Variants in NOL4 observed in about 807,000 individuals in gnomAD.
NOL4 encodes the protein nucleolar protein 4, also known as cancer/testis antigen 125.
NOL4 carries 17 observed loss-of-function variants against 75.9 expected under a neutral mutation model. The observed-to-expected ratio is 0.22, with a 90% CI of 0.15 to 0.34. The LOEUF is 0.34. NOL4 is among the 10% of genes least tolerant of loss of function. NOL4 has a pLI of 1.00. For synonymous variants in NOL4, 292 were observed against 289.9 expected, an observed-to-expected ratio of 1.01 and a Z score of -0.07; for missense variants, 614 against 793.5, an observed-to-expected ratio of 0.77 and a Z score of 2.72.
At chr18:33,954,860 G>A (rs1021025500) in intron 8 of NOL4, among the ~76,000 whole-genome samples, 2 of 152,026 alleles carry the variant, frequency 1.3e-5, no homozygotes, top group African/African-American at 2.4e-5. Flanking sequence ...CCCTGAAGTG[G>A]AAAAGGTAAA....
chr18:33,887,036 T>TCTATATACATATATATCTA, intron 9 of NOL4, among the ~76,000 whole-genome samples: 2 of 140,190 alleles, frequency 1.4e-5, no homozygotes, highest in African/African-American at 5.2e-5. Flanking sequence ...TCTAGATATA[T>TCTATATACATATATATCTA]TATATCTAGA....
intron 6 of NOL4, among the ~76,000 whole-genome samples, chr18:33,967,627 A>T (rs2070710774): frequency 6.6e-6 from 1 of 152,200 alleles, no homozygotes; most frequent in African/African-American, 2.4e-5. Context: ...CCAACAAAAA[A>T]CAACCCCACT....
chr18:34,105,190 T>A, intron 2 of NOL4, 30 bp from the exon 3 acceptor site: 1 of 1,346,076 alleles, frequency 7.4e-7, no homozygotes, highest in Non-Finnish European at 1.1e-6. Flanking sequence ...ACAGGTGTTA[T>A]TATATAAGCT....
chr18:34,183,625 C>T (rs2034222494), intron 1 of NOL4: 1 of 151,890 alleles, frequency 6.6e-6, no homozygotes, highest in Non-Finnish European at 1.5e-5. Context: ...TGTGGTATAT[C>T]CCTACAAAGA....
chr18:33,944,729 G>T (rs1568105282), intron 8 of NOL4, among the ~76,000 whole-genome samples: 1 of 151,790 alleles, frequency 6.6e-6, no homozygotes, highest in East Asian at 1.9e-4. Context: ...GCCAGGACTG[G>T]GTATTTGTAA....
At chr18:34,166,381 T>C (rs966165266) in intron 1 of NOL4, among the ~76,000 whole-genome samples, 1 of 152,110 alleles carries the variant, frequency 6.6e-6, no homozygotes, top group Non-Finnish European at 1.5e-5. Flanking sequence ...ATGGATCTTG[T>C]ATCTGGAACT....
chr18:33,949,717 A>G (rs1369675257), intron 8 of NOL4, among the ~76,000 whole-genome samples: 1 of 152,098 alleles, frequency 6.6e-6, no homozygotes, highest in Admixed American at 6.6e-5. Flanking sequence ...AAGCCAGTTA[A>G]CCTTTGTCTA....
At chr18:33,964,134 GGA>G (rs1202409031) in intron 6 of NOL4, among the ~76,000 whole-genome samples, 2 of 152,082 alleles carry the variant, frequency 1.3e-5, no homozygotes, top group Non-Finnish European at 2.9e-5. Flanking sequence ...TTACTTGAGG[GGA>G]GAGTCACATA....
At chr18:33,964,703 T>G (rs2070440376) in intron 6 of NOL4, among the ~76,000 whole-genome samples, 1 of 152,168 alleles carries the variant, frequency 6.6e-6, no homozygotes, top group African/African-American at 2.4e-5. Context: ...CCCAGCAATC[T>G]GTGTTTTAAC....
intron 9 of NOL4, among the ~76,000 whole-genome samples, chr18:33,907,302 C>A (rs1411037282): frequency 1.6e-5 from 2 of 121,490 alleles, no homozygotes; most frequent in African/African-American, 6.5e-5. Context: ...CCAGCCTGGG[C>A]GACAGAGCGA....
intron 2 of NOL4, among the ~76,000 whole-genome samples, chr18:34,111,906 C>A (rs1480526868): frequency 6.6e-6 from 1 of 152,088 alleles, no homozygotes; most frequent in African/African-American, 2.4e-5. Context: ...ATCAACCCAG[C>A]CATTATAGAA....
chr18:33,872,950 T>C (rs1434341880), intron 10 of NOL4, among the ~76,000 whole-genome samples: 2 of 151,996 alleles, frequency 1.3e-5, no homozygotes, highest in African/African-American at 4.8e-5. Context: ...TTCCTAAATA[T>C]AACACATTGT....
chr18:34,124,271 C>T (rs1207840204), intron 2 of NOL4, among the ~76,000 whole-genome samples: 2 of 151,908 alleles, frequency 1.3e-5, no homozygotes, highest in African/African-American at 2.4e-5. Flanking sequence ...CACTAAGATC[C>T]GTGGCAAGAA....
rs536289834 is a variant in NOL4, at chr18:34,054,384, T to C, written c.773-34783A>G. 4.6e-5 allele frequency among the ~76,000 whole-genome samples: 7 copies of C among 152,080 alleles called. No homozygotes were observed. The South Asian group carries it at 1.5e-3, about 32-fold the overall frequency. On this transcript the variant is annotated intron_variant, in intron 5 of 10. Coordinates refer to ENST00000261592, the MANE Select transcript of NOL4 (RefSeq NM_003787.5). ...TTGCTTCATCTATTGGGAACTCTGA[T>C]ATTGGGTGCACGAATATTTATAAAA...
chr18:33,894,654 A>G lies in NOL4; in HGVS notation c.1543-11230T>C, dbSNP rs73414343. On this transcript the variant is annotated intron_variant, in intron 9 of 10. Transcript: ENST00000261592. ...CAGAATTTTATCAAACTCTTCAAAT[A>G]ACAGGTTATTATTTTAACAAATTCT... 5.5e-3 allele frequency among the ~76,000 whole-genome samples: 842 copies of G among 152,266 alleles called. 13 individuals are homozygous for G. Among genetic ancestry groups the G allele is most frequent in the African/African-American group, 0.019 (792 of 41,558 alleles).
At chr18:33,864,399 T>G (rs948843890) in intron 10 of NOL4, among the ~76,000 whole-genome samples, 2 of 152,266 alleles carry the variant, frequency 1.3e-5, no homozygotes. Flanking sequence ...AGTTCAAAGT[T>G]CCACAGATCT....
chr18:34,049,212 T>G lies in NOL4; in HGVS notation c.773-29611A>C, dbSNP rs189885977. The stretch of plus-strand genomic sequence containing the variant: ...AACAAAAGCAAATCCTGCAGCCACA[T>G]TTTGCATACATATATTATCCAGAGA... On this transcript the variant is annotated intron_variant, in intron 5 of 10. Coordinates refer to ENST00000261592, the MANE Select transcript of NOL4 (RefSeq NM_003787.5). Among the ~76,000 whole-genome samples the G allele has an allele frequency of 7.3e-4, 111 of 151,766 alleles. 3 individuals are homozygous for G. The highest frequency in any genetic ancestry group is 5.4e-3 in the South Asian group (26 of 4,814).
intron 5 of NOL4, among the ~76,000 whole-genome samples, chr18:34,058,228 G>C (rs1430916438): frequency 6.6e-6 from 1 of 152,084 alleles, no homozygotes; most frequent in Non-Finnish European, 1.5e-5. Context: ...CCGCCTCCCG[G>C]GTTCACGCCA....
chr18:33,946,533 TC>T (rs1184500554), intron 8 of NOL4, among the ~76,000 whole-genome samples: 1 of 151,746 alleles, frequency 6.6e-6, no homozygotes, highest in African/African-American at 2.4e-5. Context: ...GGAGTTATAA[TC>T]CCTAGTGAAC....
Sources: gnomAD v4.1 joint callset for allele counts (sites outside exome capture counted in the v4.1 genomes callset) on GRCh38, gnomAD v4.1.1 for gene constraint, MANE v1.5 for transcripts, NCBI Gene and HGNC (gene_info 2026-07-23, HGNC 2026-07-21) for gene names.